PLEKHM3: variants seen among roughly 807,000 people sequenced by gnomAD.
PLEKHM3 encodes pleckstrin homology domain containing M3.
In PLEKHM3, 45 loss-of-function variants were observed where a neutral mutation model predicts 81.8. That is an observed-to-expected ratio of 0.55 (90% CI 0.43 to 0.71). PLEKHM3 has a LOEUF of 0.71. PLEKHM3 is among the 30% of genes least tolerant of loss of function. PLEKHM3 has a pLI of 0.00. For missense variants in PLEKHM3, 788 were observed against 924.3 expected (o/e 0.85, Z 1.91); for synonymous variants, 352 against 356.4 (o/e 0.99, Z 0.14).
rs971818874 is a variant in PLEKHM3 at position 208,001,748 on chromosome 2, T to G, written c.-109A>C. The stretch of plus-strand genomic sequence containing the variant: ...TCAGCAATAGAGCTATGGAAACAAC[T>G]GGAAGAAACCTTCATTGGGCTCCCT... On this transcript the variant is annotated 5_prime_UTR_variant, in exon 2 of 8. Transcript: ENST00000427836. 4 of 1,494,380 alleles carry G rather than the reference T, an allele frequency of 2.7e-6. No individual in the cohort carries two copies. The African/African-American group carries it at 5.6e-5, about 21-fold the overall frequency. The allele number at this position is 1,494,380 out of a possible 1,614,324, so 92.6% of individuals were successfully genotyped here. A position where few individuals can be genotyped will look rare whatever the true frequency, so the allele number is the denominator to read the frequency against.
At chr2:207,993,890 C>T (rs1691984155) in intron 2 of PLEKHM3, among the ~76,000 whole-genome samples, 1 of 152,156 alleles carries the variant, frequency 6.6e-6, no homozygotes. Flanking sequence ...AGTAGAGTTA[C>T]AAGACACACA....
chr2:207,902,507 G>A (rs1688465968), intron 6 of PLEKHM3, among the ~76,000 whole-genome samples: 1 of 152,170 alleles, frequency 6.6e-6, no homozygotes, highest in South Asian at 2.1e-4. Context: ...AGGTCACACG[G>A]ATGACAATTC....
At chr2:208,016,668 A>ATACACACACACACACAC (rs11436592) in intron 1 of PLEKHM3, among the ~76,000 whole-genome samples, 885 of 61,592 alleles carry the variant, frequency 0.014, 10 homozygotes, top group Middle Eastern at 0.027. Flanking sequence ...AAAAAAAAAA[A>ATACACACACACACACAC]ATACACACAC....
chr2:207,956,441 C>T (rs946968471), intron 3 of PLEKHM3, among the ~76,000 whole-genome samples: 4 of 151,708 alleles, frequency 2.6e-5, no homozygotes, highest in African/African-American at 9.7e-5. Context: ...CCATTGCACT[C>T]CAGCTTGGGC....
At chr2:207,889,262 AT>A (rs972877417) in intron 6 of PLEKHM3, among the ~76,000 whole-genome samples, 1 of 152,016 alleles carries the variant, frequency 6.6e-6, no homozygotes, top group African/African-American at 2.4e-5. Flanking sequence ...GTGACTTCCT[AT>A]TGAAAGGCCA....
chr2:207,950,078 A>T (rs912852782), intron 3 of PLEKHM3, among the ~76,000 whole-genome samples: 1 of 152,206 alleles, frequency 6.6e-6, no homozygotes, highest in African/African-American at 2.4e-5. Context: ...CCAGGCTCAT[A>T]AAAGACAGAG....
intron 7 of PLEKHM3, 148 bp downstream of exon 7, chr2:207,860,957 G>C: frequency 2.2e-6 from 2 of 889,848 alleles, no homozygotes; most frequent in Non-Finnish European, 3.4e-6. Context: ...AAACCAAAGG[G>C]GGAAACATGT....
chr2:207,852,701 G>A, intron 7 of PLEKHM3: 1 of 403,424 alleles, frequency 2.5e-6, no homozygotes, highest in Non-Finnish European at 4.8e-6. Context: ...CAAAAGAGGG[G>A]AGGGAGGCAG....
chr2:207,861,077 T>C (rs1447579553), intron 7 of PLEKHM3, 28 bp downstream of exon 7: 5 of 1,607,232 alleles, frequency 3.1e-6, no homozygotes. Context: ...CATTTGGGTG[T>C]TCTTTTATGA....
At chr2:208,013,569 C>T (rs1692775428) in intron 1 of PLEKHM3, among the ~76,000 whole-genome samples, 2 of 152,002 alleles carry the variant, frequency 1.3e-5, no homozygotes, top group Admixed American at 6.6e-5. Flanking sequence ...AGCTGTCAGC[C>T]TACAATAACA....
intron 1 of PLEKHM3, among the ~76,000 whole-genome samples, chr2:208,009,394 T>C (rs1313013460): frequency 6.6e-6 from 1 of 152,182 alleles, no homozygotes; most frequent in Non-Finnish European, 1.5e-5. Context: ...GTTCTTTCTT[T>C]AAACTGCCAC....
rs1016968094 is a variant in PLEKHM3 at position 207,863,562 on chromosome 2, G to A, written c.1951-2300C>T. 2.3e-4 allele frequency among the ~76,000 whole-genome samples: 35 copies of A among 152,226 alleles called. 1 individual carries two copies. The highest frequency in any genetic ancestry group is 7.3e-5 in the Non-Finnish European group (5 of 68,044). The stretch of plus-strand genomic sequence containing the variant: ...TGGCTGCCACTAAGGCACTAGCTTC[G>A]GAAGCTGGTGGTGGCAGCGGGGGTT... On this transcript the variant is annotated intron_variant, in intron 6 of 7. Transcript: ENST00000427836.
intron 2 of PLEKHM3, among the ~76,000 whole-genome samples, chr2:207,978,423 T>C (rs1043434153): frequency 6.6e-6 from 1 of 152,010 alleles, no homozygotes; most frequent in African/African-American, 2.4e-5. Flanking sequence ...GAACGTGCCT[T>C]CCGCCACTGG....
In PLEKHM3 at chr2:207,876,807, C is replaced by T. The variant is rs367588430; in HGVS notation, c.1951-15545G>A. On this transcript the variant is annotated intron_variant, in intron 6 of 7. Coordinates refer to ENST00000427836, the MANE Select transcript of PLEKHM3 (RefSeq NM_001080475.3). The stretch of plus-strand genomic sequence containing the variant: ...TTCCAACCAAGATTCAGGTCTGCTC[C>T]GCCAGGGCTTTTTCCCTCCTGCCCT... 6.6e-5 allele frequency among the ~76,000 whole-genome samples: 10 copies of T among 152,168 alleles called. No homozygotes were observed. In the East Asian group the frequency reaches 1.7e-3, roughly 26 times the overall value.
At chr2:207,921,507 T>C (rs1689182530) in intron 5 of PLEKHM3, among the ~76,000 whole-genome samples, 1 of 152,230 alleles carries the variant, frequency 6.6e-6, no homozygotes. Context: ...CATTTCTTTA[T>C]GGTGGGAACA....
intron 7 of PLEKHM3, among the ~76,000 whole-genome samples, chr2:207,842,883 G>A (rs991308629): frequency 2.0e-5 from 3 of 152,188 alleles, no homozygotes; most frequent in Non-Finnish European, 2.9e-5. Context: ...GGGAGCAACA[G>A]TCACATTGGG....
rs890907729 is a variant in PLEKHM3 at position 207,843,739 on chromosome 2, C to T, written c.2109-15243G>A. Among the ~76,000 whole-genome samples, 2 of 152,056 alleles carry T rather than the reference C, an allele frequency of 1.3e-5. No individual in the cohort carries two copies. The highest frequency in any genetic ancestry group is 4.8e-5 in the African/African-American group (2 of 41,386). ...ATCATTGATATAAATTGCTTTTCCC[C>T]CAGTCTTTTCATTTAAATTTCCTTT... On this transcript the variant is annotated intron_variant, in intron 7 of 7. Transcript: ENST00000427836. The surrounding 1 kb of genome is among the most constrained non-coding windows in gnomAD (Gnocchi z 4.4).
chr2:207,919,413 T>C (rs893831962), intron 5 of PLEKHM3, among the ~76,000 whole-genome samples: 20 of 152,114 alleles, frequency 1.3e-4, no homozygotes, highest in African/African-American at 4.6e-4. Context: ...ATCTAATTTA[T>C]ACATTAGCTA....
intron 3 of PLEKHM3, among the ~76,000 whole-genome samples, chr2:207,967,459 A>G (rs1400193334): frequency 1.3e-5 from 2 of 152,110 alleles, no homozygotes; most frequent in Admixed American, 6.6e-5. Flanking sequence ...ACTAAATCTC[A>G]TCTTGTTTGT....
Sources: allele counts gnomAD v4.1 joint callset (sites outside exome capture counted in the v4.1 genomes callset), GRCh38; gene constraint gnomAD v4.1.1; non-coding constraint Gnocchi (gnomAD v3.1); transcripts MANE v1.5; gene names NCBI Gene and HGNC (gene_info 2026-07-23, HGNC 2026-07-21).